The following SLC25A13 variants were observed in gnomAD, a reference collection of about 807,000 sequenced individuals.
SLC25A13 encodes electrogenic aspartate/glutamate antiporter SLC25A13, mitochondrial.
In SLC25A13, 70 loss-of-function variants were observed where a neutral mutation model predicts 85.5. The ratio of observed to expected loss-of-function variants is 0.82; its 90% CI spans 0.68 to 1.00. The LOEUF (loss-of-function observed/expected upper bound fraction) is 1.00, where lower values mean the gene tolerates loss of function less well. Ranked by LOEUF, SLC25A13 falls within the 50% of genes least tolerant of loss-of-function variation. SLC25A13 has a pLI of 0.00. For synonymous variants in SLC25A13, 259 were observed against 288.7 expected, an observed-to-expected ratio of 0.90 and a Z score of 1.04; for missense variants, 765 against 819.8, an observed-to-expected ratio of 0.93 and a Z score of 0.82.
rs1434041658 is a variant in SLC25A13, at chr7:96,120,798, T to G, written c.*393A>C. ...AAATATGCACCTAGTTTCCTACCAG[T>G]TTAAAACACACACGAAACACTGCTC... On this transcript the variant is annotated 3_prime_UTR_variant, in exon 18 of 18. Transcript: ENST00000265631. 6 of 459,692 alleles carry G rather than the reference T, an allele frequency of 1.3e-5. No homozygotes were observed. The highest frequency in any genetic ancestry group is 1.2e-4 in the African/African-American group (6 of 50,216). The allele number at this position is 459,692 out of a possible 1,614,324, so 28.5% of individuals were successfully genotyped here.
intron 1 of SLC25A13, among the ~76,000 whole-genome samples, chr7:96,300,068 C>G (rs182903377): frequency 1.3e-5 from 2 of 152,178 alleles, no homozygotes; most frequent in Non-Finnish European, 2.9e-5. Context: ...AATCAAAACT[C>G]TCCCAATTTC....
intron 4 of SLC25A13, among the ~76,000 whole-genome samples, chr7:96,217,079 A>G (rs2116745591): frequency 6.6e-6 from 1 of 152,316 alleles, no homozygotes; most frequent in East Asian, 1.9e-4. Context: ...ATCTGAACAG[A>G]CATTGCTCCA....
At chr7:96,263,826 C>G (rs1263935270) in intron 3 of SLC25A13, among the ~76,000 whole-genome samples, 1 of 152,160 alleles carries the variant, frequency 6.6e-6, no homozygotes, top group Non-Finnish European at 1.5e-5. Flanking sequence ...TGGTCACACT[C>G]TAGACTTTAC....
intron 14 of SLC25A13, among the ~76,000 whole-genome samples, chr7:96,142,396 G>C: frequency 6.6e-6 from 1 of 152,152 alleles, no homozygotes; most frequent in Non-Finnish European, 1.5e-5. Context: ...TTAGGATAGT[G>C]GCCTGCAGCT....
At chr7:96,294,690 T>C (rs1799281765) in intron 2 of SLC25A13, among the ~76,000 whole-genome samples, 1 of 152,156 alleles carries the variant, frequency 6.6e-6, no homozygotes, top group South Asian at 2.1e-4. Context: ...ATTGCTTTGT[T>C]TTTAAGAGAC....
At chr7:96,208,790 C>G (rs1243523697) in intron 5 of SLC25A13, 48 bp downstream of exon 5, 1 of 1,609,864 alleles carries the variant, frequency 6.2e-7, no homozygotes, top group East Asian at 2.2e-5. Flanking sequence ...TAGGTGTGAG[C>G]CACCGTGCCC....
intron 2 of SLC25A13, among the ~76,000 whole-genome samples, chr7:96,289,692 G>C (rs956445901): frequency 6.6e-6 from 1 of 152,150 alleles, no homozygotes; most frequent in Non-Finnish European, 1.5e-5. Flanking sequence ...AATGAAGCGA[G>C]AAGAGAAGTT....
At chr7:96,228,664 C>T (rs951060748) in intron 4 of SLC25A13, among the ~76,000 whole-genome samples, 5 of 152,290 alleles carry the variant, frequency 3.3e-5, no homozygotes, top group East Asian at 1.9e-4. Context: ...CTCTCTGGGC[C>T]GAGGCCAGAG....
chr7:96,226,808 T>C (rs1269259124), intron 4 of SLC25A13, among the ~76,000 whole-genome samples: 2 of 152,158 alleles, frequency 1.3e-5, no homozygotes, highest in East Asian at 3.8e-4. Flanking sequence ...TGACAGCTTA[T>C]TCCCTTATTT....
chr7:96,290,288 A>C (rs1372865864), intron 2 of SLC25A13, among the ~76,000 whole-genome samples: 1 of 152,206 alleles, frequency 6.6e-6, no homozygotes, highest in Non-Finnish European at 1.5e-5. Context: ...CTAAACATGG[A>C]AAGGAACAAC....
intron 3 of SLC25A13, among the ~76,000 whole-genome samples, chr7:96,245,625 A>G (rs1178738411): frequency 1.3e-5 from 2 of 152,358 alleles, no homozygotes; most frequent in African/African-American, 4.8e-5. Context: ...AATAATGTGC[A>G]TGACAAATAG....
intron 5 of SLC25A13, among the ~76,000 whole-genome samples, chr7:96,205,892 G>T (rs1192701691): frequency 1.3e-5 from 2 of 151,852 alleles, no homozygotes; most frequent in East Asian, 3.9e-4. Flanking sequence ...GCCACATGGT[G>T]GTTTCTAAGA....
chr7:96,284,288 A>G (rs988531266), intron 2 of SLC25A13, among the ~76,000 whole-genome samples: 1 of 152,164 alleles, frequency 6.6e-6, no homozygotes, highest in African/African-American at 2.4e-5. Flanking sequence ...TCCTACACAA[A>G]GATCACAAGT....
intron 14 of SLC25A13, among the ~76,000 whole-genome samples, chr7:96,136,102 C>T (rs547174178): frequency 2.6e-4 from 39 of 152,142 alleles, no homozygotes; most frequent in Non-Finnish European, 4.6e-4. Context: ...ACGTTATAAA[C>T]TGGGAAAAAA....
chr7:96,192,982 T>G (rs1794916539), intron 6 of SLC25A13, 55 bp downstream of exon 6: 1 of 1,580,818 alleles, frequency 6.3e-7, no homozygotes, highest in Admixed American at 1.7e-5. Flanking sequence ...GAATTGTTTT[T>G]ATAATTCCTT....
chr7:96,280,856 T>C lies in SLC25A13; in HGVS notation c.70-3518A>G, dbSNP rs149526698. 5.9e-3 allele frequency among the ~76,000 whole-genome samples: 899 copies of C among 152,218 alleles called. 10 individuals carry two copies. The highest frequency in any genetic ancestry group is 0.029 in the South Asian group (139 of 4,816). ...TATGAGAATAAAGGAGTAAACCATT[T>C]TAGAAAAATGCTGGGCAGTATCTGC... On this transcript the variant is annotated intron_variant, in intron 2 of 17. Transcript: ENST00000265631.
intron 2 of SLC25A13, among the ~76,000 whole-genome samples, chr7:96,280,774 A>G (rs529937101): frequency 5.3e-5 from 8 of 152,230 alleles, no homozygotes; most frequent in Non-Finnish European, 7.4e-5. Flanking sequence ...GATAACGAAA[A>G]AGAATAATAA....
intron 5 of SLC25A13, among the ~76,000 whole-genome samples, chr7:96,208,114 T>C (rs1418029468): frequency 6.6e-6 from 1 of 152,214 alleles, no homozygotes; most frequent in Non-Finnish European, 1.5e-5. Context: ...GAAATGATTC[T>C]GAAGCTGAAG....
At chr7:96,190,149 A>T (rs1794788787) in intron 7 of SLC25A13, among the ~76,000 whole-genome samples, 1 of 149,916 alleles carries the variant, frequency 6.7e-6, no homozygotes, top group Non-Finnish European at 1.5e-5. Flanking sequence ...CAGTGGTGCA[A>T]TCTCGGTTCA....
Sources: gnomAD v4.1 joint callset for allele counts (sites outside exome capture counted in the v4.1 genomes callset) on GRCh38, gnomAD v4.1.1 for gene constraint, MANE v1.5 for transcripts, NCBI Gene and HGNC (gene_info 2026-07-23, HGNC 2026-07-21) for gene names.